Variants in MRPL1 observed in about 807,000 individuals in gnomAD.
MRPL1 encodes large ribosomal subunit protein uL1m.
MRPL1 carries 28 observed loss-of-function variants against 38.0 expected under a neutral mutation model. The ratio of observed to expected loss-of-function variants is 0.74; its 90% confidence interval spans 0.55 to 1.01. The LOEUF (loss-of-function observed/expected upper bound fraction) is 1.01, where lower values mean the gene tolerates loss of function less well. Ranked by LOEUF, MRPL1 falls within the 50% of genes least tolerant of loss-of-function variation. MRPL1 has a pLI of 0.00. For synonymous variants in MRPL1, 123 were observed against 126.7 expected (o/e 0.97, Z 0.20); for missense variants, 358 against 389.8 (o/e 0.92, Z 0.69).
chr4:77,949,486 G>A (rs904949190), intron 7 of MRPL1, among the ~76,000 whole-genome samples: 1 of 152,028 alleles, frequency 6.6e-6, no homozygotes, highest in Non-Finnish European at 1.5e-5. Context: ...TTCTTGGGGG[G>A]TGCGTGTAGG....
chr4:77,873,199 TGTTA>T (rs1325781623), intron 2 of MRPL1, among the ~76,000 whole-genome samples: 1 of 152,180 alleles, frequency 6.6e-6, no homozygotes, highest in Non-Finnish European at 1.5e-5. Context: ...ACATAGCATA[TGTTA>T]GTTCTTTTAA....
At chr4:77,931,566 T>A (rs1736845055) in intron 7 of MRPL1, among the ~76,000 whole-genome samples, 1 of 152,220 alleles carries the variant, frequency 6.6e-6, no homozygotes, top group African/African-American at 2.4e-5. Context: ...GTGTGATATA[T>A]TTTTCAGGAG....
intron 8 of MRPL1, 78 bp downstream of exon 8, chr4:77,949,956 AT>A (rs1578067660): frequency 1.3e-6 from 1 of 762,920 alleles, no homozygotes; most frequent in East Asian, 2.8e-5. Context: ...AAAAAGTCAA[AT>A]TAACATGCAA....
intron 6 of MRPL1, chr4:77,907,240 ATTT>A: frequency 2.2e-6 from 2 of 894,518 alleles, no homozygotes; most frequent in Non-Finnish European, 2.7e-6. Flanking sequence ...AATATACCAT[ATTT>A]TTGTTTATTA....
At chr4:77,871,703 G>A in intron 1 of MRPL1, 41 bp from the exon 2 acceptor site, 3 of 891,190 alleles carry the variant, frequency 3.4e-6, no homozygotes, top group Non-Finnish European at 5.1e-6. Flanking sequence ...TGAATATAAT[G>A]ATTATTTAAT....
chr4:77,917,840 G>C (rs1311591812), intron 7 of MRPL1, among the ~76,000 whole-genome samples: 1 of 152,114 alleles, frequency 6.6e-6, no homozygotes, highest in Non-Finnish European at 1.5e-5. Context: ...CAGATCACCT[G>C]AGGTCAGGAG....
intron 6 of MRPL1, among the ~76,000 whole-genome samples, chr4:77,897,191 G>A (rs568109778): frequency 6.6e-6 from 1 of 152,096 alleles, no homozygotes; most frequent in East Asian, 1.9e-4. Flanking sequence ...AGCCTCCCAA[G>A]TAGCTGCGAT....
chr4:77,882,252 C>G (rs1171077273), intron 2 of MRPL1, among the ~76,000 whole-genome samples: 1 of 152,086 alleles, frequency 6.6e-6, no homozygotes, highest in African/African-American at 2.4e-5. Context: ...TATTTTGTGC[C>G]TCAGTACTTT....
intron 1 of MRPL1, among the ~76,000 whole-genome samples, chr4:77,868,915 A>G (rs1560458067): frequency 1.3e-5 from 2 of 152,232 alleles, no homozygotes; most frequent in African/African-American, 4.8e-5. Context: ...CAAAGAGCCA[A>G]GTTTAGCCAT....
At chr4:77,891,340 GTTTT>G (rs1171902825) in intron 5 of MRPL1, among the ~76,000 whole-genome samples, 3 of 143,936 alleles carry the variant, frequency 2.1e-5, no homozygotes, top group Admixed American at 2.1e-4. Flanking sequence ...CTTTGGTTCA[GTTTT>G]TTTTGTTTTT....
At chr4:77,908,480 G>T (rs916688371) in intron 6 of MRPL1, 1 of 152,214 alleles carries the variant, frequency 6.6e-6, no homozygotes, top group Non-Finnish European at 1.5e-5. Context: ...TGATCTGCCT[G>T]CCTCGGCCTT....
At chr4:77,930,255 A>G (rs1346622186) in intron 7 of MRPL1, among the ~76,000 whole-genome samples, 4 of 152,122 alleles carry the variant, frequency 2.6e-5, no homozygotes, top group Admixed American at 6.5e-5. Context: ...GGGGTCCCCA[A>G]TCCCTGGGCT....
At chr4:77,944,023 G>A (rs940159234) in intron 7 of MRPL1, among the ~76,000 whole-genome samples, 1 of 152,194 alleles carries the variant, frequency 6.6e-6, no homozygotes, top group African/African-American at 2.4e-5. Context: ...CTACATCAGA[G>A]GGAAGTTCTG....
intron 7 of MRPL1, among the ~76,000 whole-genome samples, chr4:77,927,056 A>T (rs1736730080): frequency 1.4e-5 from 2 of 146,892 alleles, no homozygotes; most frequent in Admixed American, 6.8e-5. Context: ...TTTTTATCCC[A>T]CTCTTTTATA....
chr4:77,933,313 T>TC (rs1736890332), intron 7 of MRPL1, among the ~76,000 whole-genome samples: 2 of 152,142 alleles, frequency 1.3e-5, no homozygotes, highest in African/African-American at 4.8e-5. Flanking sequence ...TTGCTTTTTT[T>TC]CTCTGTCTTT....
intron 1 of MRPL1, among the ~76,000 whole-genome samples, chr4:77,868,518 G>T (rs548413455): frequency 6.3e-4 from 96 of 152,266 alleles, no homozygotes; most frequent in African/African-American, 2.3e-3. Context: ...TGGGATTACC[G>T]GCATGAGCCA....
intron 6 of MRPL1, among the ~76,000 whole-genome samples, chr4:77,902,162 CAG>C (rs1395711751): frequency 9.2e-5 from 14 of 152,178 alleles, no homozygotes. Context: ...CTCAACATGT[CAG>C]AACTTGTGGG....
intron 2 of MRPL1, 36 bp from the exon 3 acceptor site, chr4:77,883,206 A>G (rs753972522): frequency 3.0e-6 from 4 of 1,331,996 alleles, no homozygotes; most frequent in Non-Finnish European, 2.0e-6. Flanking sequence ...CTCTTAGGAT[A>G]TATATTGATA....
At chr4:77,907,019 G>A in intron 6 of MRPL1, 3 of 985,338 alleles carry the variant, frequency 3.0e-6, no homozygotes, top group Non-Finnish European at 3.6e-6. Context: ...CAACTGCTGA[G>A]ATAATCCTAG....
Sources: allele counts gnomAD v4.1 joint callset (sites outside exome capture counted in the v4.1 genomes callset), GRCh38; gene constraint gnomAD v4.1.1; transcripts MANE v1.5; gene names NCBI Gene and HGNC (gene_info 2026-07-23, HGNC 2026-07-21).